Variants in ZCCHC7 observed in about 807,000 individuals in gnomAD.
ZCCHC7 encodes the protein zinc finger CCHC-type containing 7.
In ZCCHC7, 35 loss-of-function variants were observed where a neutral mutation model predicts 52.0. That is an observed-to-expected ratio of 0.67 (90% CI 0.51 to 0.89). The LOEUF (loss-of-function observed/expected upper bound fraction) is 0.89. Ranked by LOEUF, ZCCHC7 falls within the 40% of genes least tolerant of loss-of-function variation. ZCCHC7 has a pLI of 0.00. For missense variants in ZCCHC7, 574 were observed against 649.1 expected, an observed-to-expected ratio of 0.88 and a Z score of 1.26; for synonymous variants, 217 against 221.5, an observed-to-expected ratio of 0.98 and a Z score of 0.18.
At chr9:37,299,881 C>T (rs1189935294) in intron 2 of ZCCHC7, among the ~76,000 whole-genome samples, 3 of 152,136 alleles carry the variant, frequency 2.0e-5, no homozygotes, top group Non-Finnish European at 4.4e-5. Flanking sequence ...AACACGGGTT[C>T]GAACTTCATA....
intron 2 of ZCCHC7, among the ~76,000 whole-genome samples, chr9:37,163,561 A>G (rs1046128886): frequency 7.2e-5 from 11 of 152,206 alleles, no homozygotes; most frequent in African/African-American, 2.4e-4. Context: ...GTGGGTGCAC[A>G]TTGTGATTAA....
chr9:37,162,800 C>T (rs1162640087), intron 2 of ZCCHC7, among the ~76,000 whole-genome samples: 1 of 152,152 alleles, frequency 6.6e-6, no homozygotes, highest in Admixed American at 6.5e-5. Context: ...AGGCCAGGTG[C>T]GATGGCTCAT....
At chr9:37,239,517 G>A (rs1240472321) in intron 2 of ZCCHC7, among the ~76,000 whole-genome samples, 9 of 152,070 alleles carry the variant, frequency 5.9e-5, no homozygotes. Flanking sequence ...ACTGAACAAA[G>A]GCAGACAGGG....
At chr9:37,171,612 G>A (rs920876872) in intron 2 of ZCCHC7, among the ~76,000 whole-genome samples, 13 of 151,916 alleles carry the variant, frequency 8.6e-5, no homozygotes, top group African/African-American at 3.1e-4. Context: ...TAGAGATGGT[G>A]TCTTGTCATC....
At chr9:37,259,753 A>G (rs1412668849) in intron 2 of ZCCHC7, among the ~76,000 whole-genome samples, 1 of 152,138 alleles carries the variant, frequency 6.6e-6, no homozygotes, top group African/African-American at 2.4e-5. Context: ...TGTAACTTGG[A>G]AGTTGTACAA....
chr9:37,356,803 T>C, intron 8 of ZCCHC7, 32 bp from the exon 9 acceptor site: 2 of 1,553,458 alleles, frequency 1.3e-6, no homozygotes, highest in Non-Finnish European at 1.7e-6. Flanking sequence ...GTTTAGCTGC[T>C]GAATATGCAA....
At chr9:37,293,272 T>C (rs1828622413) in intron 2 of ZCCHC7, among the ~76,000 whole-genome samples, 1 of 152,166 alleles carries the variant, frequency 6.6e-6, no homozygotes, top group African/African-American at 2.4e-5. Flanking sequence ...AAGCAAATTG[T>C]TCTGGATTTG....
At chr9:37,342,833 G>C (rs946286735) in intron 6 of ZCCHC7, among the ~76,000 whole-genome samples, 1 of 152,164 alleles carries the variant, frequency 6.6e-6, no homozygotes, top group Admixed American at 6.5e-5. Context: ...CTTGACTAAG[G>C]TCACATAGTC....
chr9:37,158,737 A>C (rs888640141), intron 2 of ZCCHC7, among the ~76,000 whole-genome samples: 1 of 152,180 alleles, frequency 6.6e-6, no homozygotes, highest in Non-Finnish European at 1.5e-5. Flanking sequence ...TCTCCTTAGA[A>C]TCCATCAGTA....
intron 2 of ZCCHC7, among the ~76,000 whole-genome samples, chr9:37,235,444 TTTTCTTTCC>T (rs1359753927): frequency 6.6e-6 from 1 of 151,706 alleles, no homozygotes; most frequent in Admixed American, 6.6e-5. Flanking sequence ...TTATTCTTTC[TTTTCTTTCC>T]TTTCTTTCCT....
chr9:37,157,389 A>G (rs774756984), intron 2 of ZCCHC7, among the ~76,000 whole-genome samples: 1 of 152,026 alleles, frequency 6.6e-6, no homozygotes, highest in Non-Finnish European at 1.5e-5. Flanking sequence ...ACTTGGGGAA[A>G]CTGAGGCAGG....
chr9:37,206,509 A>G (rs578185022), intron 2 of ZCCHC7, among the ~76,000 whole-genome samples: 4 of 152,020 alleles, frequency 2.6e-5, no homozygotes, highest in African/African-American at 7.2e-5. Flanking sequence ...GTACCACCAC[A>G]TCCAGCTAAT....
chr9:37,327,883 C>T lies in ZCCHC7; in HGVS notation c.987+49C>T, dbSNP rs756635672. The T allele has an allele frequency of 2.2e-5, 35 of 1,591,646 alleles. No homozygotes were observed. In the South Asian group the frequency reaches 3.8e-4, roughly 17 times the overall value. On this transcript the variant is annotated intron_variant, in intron 6 of 8. Transcript: ENST00000336755. ...TTTCCCCAAGACCTAGCCTATTTAC[C>T]CTTCTCTGAACTGCTGACCATAAAA...
chr9:37,263,903 A>G (rs1826978416), intron 2 of ZCCHC7, among the ~76,000 whole-genome samples: 1 of 152,228 alleles, frequency 6.6e-6, no homozygotes, highest in Admixed American at 6.5e-5. Flanking sequence ...TGAAAATCAC[A>G]TCCAAATTGT....
chr9:37,159,731 T>C (rs1820993440), intron 2 of ZCCHC7, among the ~76,000 whole-genome samples: 1 of 152,232 alleles, frequency 6.6e-6, no homozygotes, highest in Non-Finnish European at 1.5e-5. Context: ...TTTTCAGCTT[T>C]CTAGAATTCC....
At chr9:37,206,779 T>G (rs1823939579) in intron 2 of ZCCHC7, among the ~76,000 whole-genome samples, 1 of 152,132 alleles carries the variant, frequency 6.6e-6, no homozygotes, top group Non-Finnish European at 1.5e-5. Context: ...GACTACCTCC[T>G]CCCTTACAAG....
chr9:37,326,842 A>C (rs1461577380), intron 5 of ZCCHC7: 1 of 152,120 alleles, frequency 6.6e-6, no homozygotes, highest in Non-Finnish European at 1.5e-5. Context: ...TTAGGCATGC[A>C]TCTATAAACA....
chr9:37,239,749 A>G (rs1825801686), intron 2 of ZCCHC7, among the ~76,000 whole-genome samples: 1 of 152,118 alleles, frequency 6.6e-6, no homozygotes, highest in Admixed American at 6.6e-5. Context: ...TTGGTTTTCT[A>G]CATCATATAA....
intron 2 of ZCCHC7, among the ~76,000 whole-genome samples, chr9:37,288,329 TTTTTTTATAGGTAGATAGA>T: frequency 7.2e-6 from 1 of 139,266 alleles, no homozygotes; most frequent in East Asian, 2.2e-4. Context: ...GATAGATAGA[TTTTTTTATAGGTAGATAGA>T]TTTTTTTTTT....
Sources: allele counts gnomAD v4.1 joint callset (sites outside exome capture counted in the v4.1 genomes callset), GRCh38; gene constraint gnomAD v4.1.1; transcripts MANE v1.5; gene names NCBI Gene and HGNC (gene_info 2026-07-23, HGNC 2026-07-21).